MRPS27: variants seen among roughly 807,000 people sequenced by gnomAD.
MRPS27 encodes the protein mitochondrial ribosomal protein S27.
Under a neutral mutation model 48.9 loss-of-function variants are expected in MRPS27, and 43 were observed. The ratio of observed to expected loss-of-function variants is 0.88; its 90% CI spans 0.69 to 1.13. The LOEUF is 1.13. Ranked by LOEUF, MRPS27 falls within the 50% of genes most tolerant of loss-of-function variation. The pLI, the probability that MRPS27 is intolerant of heterozygous loss-of-function variation, is 0.00. For synonymous variants in MRPS27, 188 were observed against 171.9 expected, an observed-to-expected ratio of 1.09 and a Z score of -0.73; for missense variants, 467 against 476.3, an observed-to-expected ratio of 0.98 and a Z score of 0.18.
chr5:72,289,972 G>C (rs1749777480), intron 4 of MRPS27, among the ~76,000 whole-genome samples: 1 of 152,182 alleles, frequency 6.6e-6, no homozygotes, highest in Non-Finnish European at 1.5e-5. Flanking sequence ...ACACTAAGTG[G>C]AAAGAGGAAA....
intron 4 of MRPS27, among the ~76,000 whole-genome samples, chr5:72,280,089 T>C (rs1323482147): frequency 6.6e-6 from 1 of 152,224 alleles, no homozygotes; most frequent in African/African-American, 2.4e-5. Context: ...TTTGTCTACA[T>C]CTAAGCCATT....
chr5:72,247,809 A>T (rs1372061712), intron 4 of MRPS27, among the ~76,000 whole-genome samples: 1 of 152,200 alleles, frequency 6.6e-6, no homozygotes, highest in Non-Finnish European at 1.5e-5. Flanking sequence ...AACCTCTGTT[A>T]TCTGGCAATT....
At chr5:72,308,036 T>A (rs918945077) in intron 2 of MRPS27, 4 of 152,318 alleles carry the variant, frequency 2.6e-5, no homozygotes, top group Non-Finnish European at 4.4e-5. Context: ...CGGCCCTGGC[T>A]GGCTGCTGAG....
At chr5:72,254,765 T>C (rs750096895) in intron 4 of MRPS27, among the ~76,000 whole-genome samples, 3 of 152,188 alleles carry the variant, frequency 2.0e-5, no homozygotes, top group Non-Finnish European at 2.9e-5. Flanking sequence ...AGGTACATTT[T>C]ATTTTGTACC....
intron 2 of MRPS27, among the ~76,000 whole-genome samples, chr5:72,307,064 G>GAT (rs1338920567): frequency 2.6e-5 from 4 of 152,134 alleles, no homozygotes; most frequent in African/African-American, 9.7e-5. Context: ...GAGTATCAGG[G>GAT]ATACCTGAGC....
At chr5:72,282,866 T>A (rs1031205965) in intron 4 of MRPS27, among the ~76,000 whole-genome samples, 1 of 152,308 alleles carries the variant, frequency 6.6e-6, no homozygotes, top group Non-Finnish European at 1.5e-5. Flanking sequence ...GAATAAGAGA[T>A]CTTCTACCCT....
At chr5:72,224,716 T>G (rs767788089) in intron 9 of MRPS27, among the ~76,000 whole-genome samples, 1 of 152,196 alleles carries the variant, frequency 6.6e-6, no homozygotes, top group Non-Finnish European at 1.5e-5. Flanking sequence ...GATGCAGACA[T>G]GAAATTCATT....
intron 2 of MRPS27, among the ~76,000 whole-genome samples, chr5:72,309,873 G>C (rs936862128): frequency 6.6e-6 from 1 of 152,180 alleles, no homozygotes; most frequent in Admixed American, 6.5e-5. Flanking sequence ...GCCCTACAGA[G>C]CATTTTAGGA....
chr5:72,233,125 T>C (rs73125469), intron 6 of MRPS27, among the ~76,000 whole-genome samples: 1,770 of 152,238 alleles, frequency 0.012, 34 homozygotes, highest in African/African-American at 0.04. Context: ...TCAGGTGTTA[T>C]TTCAAAGACA....
In MRPS27 at chr5:72,283,324, A is replaced by T. The variant is rs138025308; in HGVS notation, c.281+12207T>A. Among the ~76,000 whole-genome samples, 567 of 152,250 alleles carry T rather than the reference A, an allele frequency of 3.7e-3. 1 individual carries two copies. The highest frequency in any genetic ancestry group is 0.013 in the African/African-American group (551 of 41,544). On this transcript the variant is annotated intron_variant, in intron 4 of 10. Coordinates refer to ENST00000261413, the MANE Select transcript of MRPS27 (RefSeq NM_015084.3). ...CTAGGTTTAATTAATTCTATGTCAC[A>T]CTGTTAGGAGGTTTCAAAATGTTCA...
At chr5:72,241,858 C>T (rs899003379) in intron 4 of MRPS27, among the ~76,000 whole-genome samples, 3 of 152,188 alleles carry the variant, frequency 2.0e-5, no homozygotes, top group Admixed American at 2.0e-4. Context: ...GCTGTTTGCT[C>T]ACCTCGACAG....
intron 4 of MRPS27, among the ~76,000 whole-genome samples, chr5:72,281,404 A>G (rs1749529755): frequency 6.6e-6 from 1 of 152,192 alleles, no homozygotes; most frequent in Non-Finnish European, 1.5e-5. Context: ...ACTCTTGTCT[A>G]CTATACTATA....
chr5:72,287,699 T>C (rs1749710672), intron 4 of MRPS27, among the ~76,000 whole-genome samples: 1 of 152,124 alleles, frequency 6.6e-6, no homozygotes, highest in Non-Finnish European at 1.5e-5. Context: ...CCAAAGGAAA[T>C]ATCATTACTC....
chr5:72,312,822 C>A (rs1309845725), intron 2 of MRPS27, among the ~76,000 whole-genome samples: 3 of 151,948 alleles, frequency 2.0e-5, no homozygotes, highest in Non-Finnish European at 4.4e-5. Flanking sequence ...GTTTCATCAT[C>A]TTGGCCAGGT....
At chr5:72,282,016 T>C (rs1230133393) in intron 4 of MRPS27, among the ~76,000 whole-genome samples, 2 of 152,198 alleles carry the variant, frequency 1.3e-5, no homozygotes, top group African/African-American at 2.4e-5. Context: ...AAAATGGTGA[T>C]ACTATTTGTC....
At chr5:72,249,056 T>G (rs559809806) in intron 4 of MRPS27, among the ~76,000 whole-genome samples, 25 of 152,354 alleles carry the variant, frequency 1.6e-4, no homozygotes, top group African/African-American at 4.6e-4. Context: ...ACTGTCCACA[T>G]ATACATGGCT....
At chr5:72,257,227 T>C (rs1247655490) in intron 4 of MRPS27, among the ~76,000 whole-genome samples, 1 of 152,218 alleles carries the variant, frequency 6.6e-6, no homozygotes, top group African/African-American at 2.4e-5. Flanking sequence ...AGTCTTACGT[T>C]CCTTCTCTGT....
At chr5:72,298,163 G>A (rs1046095362) in intron 2 of MRPS27, among the ~76,000 whole-genome samples, 1 of 151,988 alleles carries the variant, frequency 6.6e-6, no homozygotes, top group Non-Finnish European at 1.5e-5. Context: ...AAATCTGTAC[G>A]GAACTTAAAC....
chr5:72,250,120 C>A (rs1164951420), intron 4 of MRPS27, among the ~76,000 whole-genome samples: 4 of 152,126 alleles, frequency 2.6e-5, no homozygotes, highest in Admixed American at 2.0e-4. Context: ...TTTCATAACA[C>A]CCTGATAATA....
Sources: gnomAD v4.1 joint callset for allele counts (sites outside exome capture counted in the v4.1 genomes callset) on GRCh38, gnomAD v4.1.1 for gene constraint, MANE v1.5 for transcripts, NCBI Gene and HGNC (gene_info 2026-07-23, HGNC 2026-07-21) for gene names.